Variants in SNTG1 observed in about 807,000 individuals in gnomAD.
The protein encoded by SNTG1 is syntrophin gamma 1.
In SNTG1, 39 loss-of-function variants were observed where a neutral mutation model predicts 74.7. That is an observed-to-expected ratio of 0.52 (90% confidence interval 0.40 to 0.68). The LOEUF (loss-of-function observed/expected upper bound fraction) is 0.68. Among genes scored for constraint, SNTG1 ranks in the 30% least tolerant of loss-of-function variants. The pLI is 0.00. For synonymous variants in SNTG1, 254 were observed against 217.1 expected (o/e 1.17, Z -1.49); for missense variants, 685 against 609.5 (o/e 1.12, Z -1.30).
intron 17 of SNTG1, among the ~76,000 whole-genome samples, chr8:50,711,057 A>G (rs995068785): frequency 3.9e-5 from 6 of 152,200 alleles, no homozygotes; most frequent in Non-Finnish European, 8.8e-5. Flanking sequence ...TATGTCAGAC[A>G]TAAGGAGGAG....
chr8:50,326,475 G>C (rs1240819289), intron 2 of SNTG1, among the ~76,000 whole-genome samples: 1 of 152,028 alleles, frequency 6.6e-6, no homozygotes, highest in South Asian at 2.1e-4. Flanking sequence ...TTTGTGGGCA[G>C]AGAGTTGTTA....
intron 1 of SNTG1, among the ~76,000 whole-genome samples, chr8:50,002,606 T>A (rs1350619410): frequency 2.0e-5 from 3 of 152,160 alleles, no homozygotes; most frequent in Non-Finnish European, 4.4e-5. Context: ...TTGTTTCCAG[T>A]GAGTTTTGCT....
intron 1 of SNTG1, among the ~76,000 whole-genome samples, chr8:49,975,837 G>A (rs1812145651): frequency 6.6e-6 from 1 of 151,842 alleles, no homozygotes; most frequent in Admixed American, 6.6e-5. Flanking sequence ...TTTTGTCTTA[G>A]AGATAAATTA....
chr8:50,084,343 C>T (rs765847887), intron 1 of SNTG1, among the ~76,000 whole-genome samples: 3 of 152,162 alleles, frequency 2.0e-5, no homozygotes, highest in South Asian at 2.1e-4. Context: ...CACCTGTAGT[C>T]CCAGCTACTG....
At chr8:50,591,829 C>T (rs6473249) in intron 13 of SNTG1, among the ~76,000 whole-genome samples, 23,219 of 152,168 alleles carry the variant, frequency 0.15, 4,622 homozygotes, top group African/African-American at 0.45. Flanking sequence ...CCCCTCCCTC[C>T]TACCTTAAGT....
At chr8:50,384,975 C>T (rs1412542194) in intron 2 of SNTG1, among the ~76,000 whole-genome samples, 1 of 152,040 alleles carries the variant, frequency 6.6e-6, no homozygotes, top group African/African-American at 2.4e-5. Context: ...CTACTAATAG[C>T]CAATAGCAGA....
chr8:50,654,058 T>C (rs717511), intron 13 of SNTG1, among the ~76,000 whole-genome samples: 32,642 of 152,078 alleles, frequency 0.21, 3,925 homozygotes, highest in African/African-American at 0.31. Context: ...AGTGCCTTGG[T>C]GTGCTTATAT....
At chr8:49,951,356 C>T (rs1313145395) in intron 1 of SNTG1, among the ~76,000 whole-genome samples, 1 of 152,112 alleles carries the variant, frequency 6.6e-6, no homozygotes, top group Admixed American at 6.5e-5. Flanking sequence ...TAAATCCTCA[C>T]AAATCTTGAG....
At chr8:50,143,080 A>C (rs1332557198) in intron 1 of SNTG1, among the ~76,000 whole-genome samples, 1 of 151,888 alleles carries the variant, frequency 6.6e-6, no homozygotes, top group East Asian at 1.9e-4. Context: ...TCTCAAAATA[A>C]ATAAATAAAT....
At chr8:49,977,644 G>T (rs986738492) in intron 1 of SNTG1, among the ~76,000 whole-genome samples, 1 of 152,210 alleles carries the variant, frequency 6.6e-6, no homozygotes, top group East Asian at 1.9e-4. Context: ...TGCTGATGAA[G>T]ATCCTATTTG....
At chr8:50,177,708 A>T (rs2083051580) in intron 2 of SNTG1, among the ~76,000 whole-genome samples, 1 of 152,160 alleles carries the variant, frequency 6.6e-6, no homozygotes, top group African/African-American at 2.4e-5. Context: ...ACTTAATTGA[A>T]CGCTTTGACC....
intron 2 of SNTG1, chr8:50,381,063 A>G (rs1197478169): frequency 1.3e-5 from 2 of 152,150 alleles, no homozygotes; most frequent in Admixed American, 1.3e-4. Context: ...GAGATTCTAC[A>G]TGGATCAAAG....
At chr8:50,525,128 G>A (rs7837566) in intron 9 of SNTG1, among the ~76,000 whole-genome samples, 7,262 of 152,010 alleles carry the variant, frequency 0.048, 307 homozygotes, top group African/African-American at 0.11. Flanking sequence ...CAAATTTATT[G>A]AACAGGTTTG....
At chr8:50,131,268 TG>T (rs1751445696) in intron 1 of SNTG1, among the ~76,000 whole-genome samples, 1 of 152,166 alleles carries the variant, frequency 6.6e-6, no homozygotes, top group African/African-American at 2.4e-5. Flanking sequence ...TATTTTGACC[TG>T]GAATAATCAA....
chr8:50,530,579 A>T (rs986699465), intron 10 of SNTG1, among the ~76,000 whole-genome samples: 4 of 152,164 alleles, frequency 2.6e-5, no homozygotes, highest in Non-Finnish European at 5.9e-5. Context: ...CTTTGACATT[A>T]GTTTTCTCAC....
At chr8:50,649,057 TGTACTTACTCTATACTC>T (rs1423745890) in intron 13 of SNTG1, among the ~76,000 whole-genome samples, 1 of 152,212 alleles carries the variant, frequency 6.6e-6, no homozygotes, top group Non-Finnish European at 1.5e-5. Context: ...ATTTAATAAT[TGTACTTACTCTATACTC>T]GTACTATAAC....
intron 1 of SNTG1, among the ~76,000 whole-genome samples, chr8:50,152,888 G>T (rs553268608): frequency 6.6e-6 from 1 of 152,248 alleles, no homozygotes; most frequent in East Asian, 1.9e-4. Context: ...GTGTCTTGGA[G>T]TTGCTCTTCT....
intron 4 of SNTG1, among the ~76,000 whole-genome samples, chr8:50,413,439 CATCT>C (rs2092975106): frequency 6.6e-6 from 1 of 152,074 alleles, no homozygotes; most frequent in Non-Finnish European, 1.5e-5. Flanking sequence ...GAAAGTCTGC[CATCT>C]ATCTATTTTT....
At chr8:50,541,824 A>G (rs2094349294) in intron 11 of SNTG1, among the ~76,000 whole-genome samples, 1 of 151,760 alleles carries the variant, frequency 6.6e-6, no homozygotes, top group Admixed American at 6.6e-5. Context: ...TCTCTCTTCT[A>G]ACTTTCCTGG....
Sources: gnomAD v4.1 joint callset for allele counts (sites outside exome capture counted in the v4.1 genomes callset) on GRCh38, gnomAD v4.1.1 for gene constraint, MANE v1.5 for transcripts, NCBI Gene and HGNC (gene_info 2026-07-23, HGNC 2026-07-21) for gene names.